ERBB4: variants seen among roughly 807,000 people sequenced by gnomAD.
ERBB4 encodes the protein erb-b2 receptor tyrosine kinase 4, also known as receptor tyrosine-protein kinase erbB-4.
A neutral mutation model predicts 158.0 loss-of-function variants in ERBB4; 42 were observed. The observed-to-expected ratio is 0.27, with a 90% CI of 0.21 to 0.34. The LOEUF is 0.34. ERBB4 is among the 10% of genes least tolerant of loss of function. The pLI, the probability that ERBB4 is intolerant of heterozygous loss-of-function variation, is 1.00. For synonymous variants in ERBB4, 583 were observed against 558.7 expected, an observed-to-expected ratio of 1.04 and a Z score of -0.61; for missense variants, 1,333 against 1,624.1, an observed-to-expected ratio of 0.82 and a Z score of 3.08.
At chr2:211,615,765 C>T (rs537899845) in intron 19 of ERBB4, among the ~76,000 whole-genome samples, 4 of 152,094 alleles carry the variant, frequency 2.6e-5, no homozygotes, top group East Asian at 3.9e-4. Flanking sequence ...TATTAAGTTG[C>T]CACATTTGTG....
intron 3 of ERBB4, among the ~76,000 whole-genome samples, chr2:211,797,905 C>A (rs1281529948): frequency 6.6e-6 from 1 of 151,976 alleles, no homozygotes; most frequent in South Asian, 2.1e-4. Context: ...TTATAAAGCA[C>A]TGGTTGTCAA....
chr2:212,296,993 T>C (rs1393292663), intron 1 of ERBB4, among the ~76,000 whole-genome samples: 1 of 151,916 alleles, frequency 6.6e-6, no homozygotes, highest in Non-Finnish European at 1.5e-5. Flanking sequence ...CACTGTCCCT[T>C]ATTTTTTTCC....
chr2:212,363,044 T>C (rs1196094101), intron 1 of ERBB4, among the ~76,000 whole-genome samples: 3 of 151,302 alleles, frequency 2.0e-5, no homozygotes, highest in African/African-American at 7.3e-5. Flanking sequence ...ACAGCAGAGA[T>C]TAAATTTAGC....
intron 4 of ERBB4, among the ~76,000 whole-genome samples, chr2:211,765,008 C>T (rs551389120): frequency 2.0e-5 from 3 of 152,126 alleles, no homozygotes; most frequent in African/African-American, 4.8e-5. Flanking sequence ...GATAAATGAG[C>T]GGTTTAGTCA....
rs1338638092 is a variant in ERBB4, at chr2:211,430,873, T to C, written c.2643+72A>G. ...AAGCTTCAGGCTTATTGGTTTCTTGTATAAAATATAAGGAGATAAAAGGAT... is the reference window on the plus strand; with the variant it reads ...AAGCTTCAGGCTTATTGGTTTCTTGCATAAAATATAAGGAGATAAAAGGAT... On this transcript the variant is annotated intron_variant, in intron 21 of 27. Coordinates refer to ENST00000342788, the MANE Select transcript of ERBB4 (RefSeq NM_005235.3). 22 of 1,326,806 alleles carry C rather than the reference T, an allele frequency of 1.7e-5. No homozygotes were observed. In the East Asian group the frequency reaches 4.9e-4, roughly 29 times the overall value. The allele number at this position is 1,326,806 out of a possible 1,614,324, so 82.2% of individuals were successfully genotyped here. A position where few individuals can be genotyped will look rare whatever the true frequency, so the allele number is the denominator to read the frequency against.
At chr2:212,105,838 C>T (rs1001798291) in intron 2 of ERBB4, among the ~76,000 whole-genome samples, 8 of 152,058 alleles carry the variant, frequency 5.3e-5, no homozygotes, top group Non-Finnish European at 1.5e-5. Context: ...CTGTGCTGTT[C>T]TCGTGATAAT....
intron 2 of ERBB4, among the ~76,000 whole-genome samples, chr2:212,046,055 A>G (rs2077253678): frequency 1.3e-5 from 2 of 152,228 alleles, no homozygotes; most frequent in South Asian, 4.1e-4. Flanking sequence ...TTGCCTCTGA[A>G]GATGACAATT....
chr2:211,605,128 A>G (rs2068935802), intron 19 of ERBB4, among the ~76,000 whole-genome samples: 1 of 152,182 alleles, frequency 6.6e-6, no homozygotes, highest in African/African-American at 2.4e-5. Context: ...AACAGACTAC[A>G]GAAATTGTTT....
chr2:211,845,898 A>T (rs900637351), intron 3 of ERBB4, among the ~76,000 whole-genome samples: 2 of 152,096 alleles, frequency 1.3e-5, no homozygotes, highest in Non-Finnish European at 2.9e-5. Context: ...CATGAGTGAC[A>T]CTTAGGATTT....
chr2:212,007,555 G>A (rs761674276), intron 2 of ERBB4, among the ~76,000 whole-genome samples: 9 of 151,558 alleles, frequency 5.9e-5, no homozygotes, highest in East Asian at 3.9e-4. Context: ...ATATTTACTC[G>A]TAGTCATCCT....
chr2:211,387,922 A>C, intron 26 of ERBB4, 23 bp downstream of exon 26: 2 of 1,576,292 alleles, frequency 1.3e-6, no homozygotes, highest in Non-Finnish European at 1.7e-6. Context: ...CTAAAAGATG[A>C]AGGTTGATTG....
intron 2 of ERBB4, among the ~76,000 whole-genome samples, chr2:212,018,241 T>C (rs980250436): frequency 6.6e-6 from 1 of 152,170 alleles, no homozygotes; most frequent in African/African-American, 2.4e-5. Flanking sequence ...ACAGCAGGAC[T>C]AGGATATCAC....
intron 1 of ERBB4, among the ~76,000 whole-genome samples, chr2:212,373,951 C>G (rs907023824): frequency 8.5e-5 from 3 of 35,180 alleles, no homozygotes; most frequent in East Asian, 6.8e-4. Flanking sequence ...ATATATATAT[C>G]ATATATATAT....
At chr2:211,948,409 C>T (rs1212901576) in intron 2 of ERBB4, among the ~76,000 whole-genome samples, 4 of 122,670 alleles carry the variant, frequency 3.3e-5, no homozygotes, top group African/African-American at 1.3e-4. Context: ...GTACTCTAGC[C>T]TGGCGACAGA....
chr2:211,865,208 T>C (rs1472859060), intron 3 of ERBB4, among the ~76,000 whole-genome samples: 11 of 151,148 alleles, frequency 7.3e-5, no homozygotes, highest in African/African-American at 2.7e-4. Flanking sequence ...CTATAAAGTA[T>C]ATATCTATAT....
chr2:211,706,059 A>T (rs2073427413), intron 9 of ERBB4, among the ~76,000 whole-genome samples: 1 of 151,718 alleles, frequency 6.6e-6, no homozygotes, highest in Admixed American at 6.6e-5. Context: ...TTTTTTTTTT[A>T]AAGAAATCCA....
intron 3 of ERBB4, among the ~76,000 whole-genome samples, chr2:211,877,165 A>G (rs570978998): frequency 3.4e-4 from 51 of 152,194 alleles, no homozygotes; most frequent in South Asian, 1.7e-3. Context: ...AAGAAAAGGT[A>G]TATGTATTTT....
intron 1 of ERBB4, among the ~76,000 whole-genome samples, chr2:212,360,810 G>T (rs188128018): frequency 4.1e-4 from 62 of 151,334 alleles, no homozygotes; most frequent in Non-Finnish European, 8.0e-4. Flanking sequence ...TTTTTTCCTT[G>T]ATGAAAAATT....
chr2:212,282,298 T>C (rs1317617030), intron 1 of ERBB4, among the ~76,000 whole-genome samples: 3 of 151,934 alleles, frequency 2.0e-5, no homozygotes, highest in Non-Finnish European at 4.4e-5. Flanking sequence ...GGTTACAAAG[T>C]GACTTGGCAA....
Sources: gnomAD v4.1 joint callset for allele counts (sites outside exome capture counted in the v4.1 genomes callset) on GRCh38, gnomAD v4.1.1 for gene constraint, MANE v1.5 for transcripts, NCBI Gene and HGNC (gene_info 2026-07-23, HGNC 2026-07-21) for gene names.